Variants in PTPRG observed in about 807,000 individuals in gnomAD.
PTPRG encodes the protein protein tyrosine phosphatase receptor type G.
Under a neutral mutation model 165.3 loss-of-function variants are expected in PTPRG, and 102 were observed. The observed-to-expected ratio is 0.62, with a 90% confidence interval of 0.53 to 0.73. The LOEUF is 0.73. PTPRG is among the 30% of genes least tolerant of loss of function. The pLI is 0.00. For synonymous variants in PTPRG, 675 were observed against 669.5 expected (o/e 1.01, Z -0.13); for missense variants, 1,866 against 1,861.4 (o/e 1.00, Z -0.05).
intron 1 of PTPRG, among the ~76,000 whole-genome samples, chr3:61,575,870 C>CAA (rs1485254044): frequency 2.6e-5 from 4 of 152,130 alleles, no homozygotes; most frequent in Non-Finnish European, 5.9e-5. Context: ...ATCGGCCTTC[C>CAA]AAAGTGCTGG....
chr3:61,737,223 G>A (rs1432242655), intron 1 of PTPRG, among the ~76,000 whole-genome samples: 1 of 151,788 alleles, frequency 6.6e-6, no homozygotes, highest in Non-Finnish European at 1.5e-5. Context: ...TTCCCTGCTT[G>A]TATTCTCTGT....
At chr3:62,289,325 G>A (rs1702785845) in intron 28 of PTPRG, among the ~76,000 whole-genome samples, 1 of 152,158 alleles carries the variant, frequency 6.6e-6, no homozygotes, top group Non-Finnish European at 1.5e-5. Flanking sequence ...ACTAAGAACT[G>A]AATAAAAGAA....
intron 13 of PTPRG, among the ~76,000 whole-genome samples, chr3:62,226,002 C>T (rs548060792): frequency 1.3e-5 from 2 of 152,304 alleles, no homozygotes; most frequent in African/African-American, 4.8e-5. Context: ...ATGTGCTCAG[C>T]AGATTATACC....
chr3:61,729,254 G>A (rs927299348), intron 1 of PTPRG, among the ~76,000 whole-genome samples: 3 of 152,192 alleles, frequency 2.0e-5, no homozygotes, highest in African/African-American at 7.2e-5. Context: ...GCCCACAACT[G>A]TGCATCCGGG....
Position 62,267,799 on chromosome 3 carries a change from A to G in PTPRG, c.2854A>G (p.Asn952Asp). The G allele has an allele frequency of 6.2e-7, 1 of 1,612,992 alleles. No homozygotes were observed. Among genetic ancestry groups the G allele is most frequent in the Non-Finnish European group, 8.5e-7 (1 of 1,179,366 alleles). ...CACTGGAATCATTGTGATGATTACG[A>G]ACCTTGTGGAAAAAGGAAGAGTAAG... ...QNTGIIVMIT[N>D]LVEKGRRKCD... Residue 952 changes from asparagine to aspartate, a missense_variant, in exon 19 of 30, where the codon AAC becomes GAC. Around this residue, in one of 3 missense-constraint regions of PTPRG, gnomAD observed 1,452 missense variants for 1,463.0 expected, o/e 0.99. Coordinates refer to ENST00000474889, the MANE Select transcript of PTPRG (RefSeq NM_002841.4).
chr3:61,633,350 G>T (rs1446929263), intron 1 of PTPRG, among the ~76,000 whole-genome samples: 1 of 152,162 alleles, frequency 6.6e-6, no homozygotes, highest in Non-Finnish European at 1.5e-5. Context: ...GTAGCTTAGG[G>T]TACAATTACA....
intron 2 of PTPRG, among the ~76,000 whole-genome samples, chr3:61,953,702 G>A (rs1046483616): frequency 6.6e-6 from 1 of 152,102 alleles, no homozygotes; most frequent in African/African-American, 2.4e-5. Context: ...AATGTAGAAG[G>A]GTGATGGAGA....
chr3:62,097,483 G>A (rs1035269182), intron 5 of PTPRG, among the ~76,000 whole-genome samples: 2 of 152,006 alleles, frequency 1.3e-5, no homozygotes, highest in African/African-American at 4.8e-5. Flanking sequence ...TCGTGTGACA[G>A]GTATATGAAC....
chr3:62,043,795 A>G (rs924755732), intron 4 of PTPRG, among the ~76,000 whole-genome samples: 3 of 152,190 alleles, frequency 2.0e-5, no homozygotes, highest in African/African-American at 7.2e-5. Context: ...CCCTTGTCTA[A>G]GGGGTGGTAT....
At chr3:61,695,053 C>T (rs778367485) in intron 1 of PTPRG, among the ~76,000 whole-genome samples, 1 of 151,760 alleles carries the variant, frequency 6.6e-6, no homozygotes, top group African/African-American at 2.4e-5. Flanking sequence ...TCTTGTCATC[C>T]AGGCTGGAGT....
chr3:61,647,631 A>AT (rs1410778538), intron 1 of PTPRG, among the ~76,000 whole-genome samples: 1 of 152,026 alleles, frequency 6.6e-6, no homozygotes, highest in African/African-American at 2.4e-5. Context: ...TCCACTAAAA[A>AT]ATACAAAAAA....
chr3:62,187,105 C>T (rs1017329787), intron 8 of PTPRG, among the ~76,000 whole-genome samples: 4 of 152,236 alleles, frequency 2.6e-5, no homozygotes, highest in African/African-American at 9.6e-5. Flanking sequence ...AGGTAATGAA[C>T]CAGACAAGAC....
intron 14 of PTPRG, among the ~76,000 whole-genome samples, chr3:62,243,359 G>T (rs1470135645): frequency 1.3e-5 from 2 of 152,240 alleles, no homozygotes; most frequent in East Asian, 1.9e-4. Flanking sequence ...GAACAATGTG[G>T]TGCTATTGTG....
At chr3:61,940,808 C>T (rs1407226598) in intron 2 of PTPRG, among the ~76,000 whole-genome samples, 3 of 152,000 alleles carry the variant, frequency 2.0e-5, no homozygotes, top group Admixed American at 6.6e-5. Context: ...GGACTACAGG[C>T]GCCTGCCACC....
chr3:61,862,376 C>G (rs1383212093), intron 2 of PTPRG, among the ~76,000 whole-genome samples: 1 of 143,056 alleles, frequency 7.0e-6, no homozygotes, highest in African/African-American at 2.7e-5. Context: ...AGGTATTACT[C>G]AGACTTTTTT....
At chr3:61,679,233 T>C (rs1007606212) in intron 1 of PTPRG, among the ~76,000 whole-genome samples, 7 of 152,208 alleles carry the variant, frequency 4.6e-5, no homozygotes, top group Non-Finnish European at 1.0e-4. Flanking sequence ...TTCAAACTAA[T>C]GGCCATCGCA....
chr3:62,252,317 G>T lies in PTPRG; in HGVS notation c.2468-2807G>T, dbSNP rs139856676. On this transcript the variant is annotated intron_variant, in intron 15 of 29. Coordinates refer to ENST00000474889, the MANE Select transcript of PTPRG (RefSeq NM_002841.4). The surrounding 1 kb of genome is among the most constrained non-coding windows in gnomAD (Gnocchi z 4.6). ...GTGCTCAGAAACGGCTTCATCCAGG[G>T]GTTTCCCATTCTCTCTGAGTCGGAG... 2.2e-4 allele frequency among the ~76,000 whole-genome samples: 33 copies of T among 152,242 alleles called. No homozygotes were observed. The highest frequency in any genetic ancestry group is 5.9e-4 in the Admixed American group (9 of 15,278).
intron 2 of PTPRG, among the ~76,000 whole-genome samples, chr3:61,965,237 T>C (rs1415303751): frequency 6.9e-5 from 8 of 116,416 alleles, no homozygotes; most frequent in Admixed American, 8.9e-5. Flanking sequence ...AGAGCGAAAC[T>C]CTGTCTCAAA....
intron 10 of PTPRG, 129 bp from the exon 11 acceptor site, chr3:62,201,375 GA>G: frequency 1.4e-6 from 1 of 737,102 alleles, no homozygotes; most frequent in Non-Finnish European, 2.0e-6. Flanking sequence ...TAAATGGTTG[GA>G]AAAAATCTAC....
Sources: allele counts gnomAD v4.1 joint callset (sites outside exome capture counted in the v4.1 genomes callset), GRCh38; gene constraint gnomAD v4.1.1; regional missense constraint gnomAD v4.1.1; non-coding constraint Gnocchi (gnomAD v3.1); transcripts MANE v1.5; gene names NCBI Gene and HGNC (gene_info 2026-07-23, HGNC 2026-07-21).